The following UBASH3A variants were observed in gnomAD, a reference collection of about 807,000 sequenced individuals.
UBASH3A encodes ubiquitin associated and SH3 domain containing A, also known as ubiquitin-associated and SH3 domain-containing protein A.
In UBASH3A, 63 loss-of-function variants were observed where a neutral mutation model predicts 73.5. The observed-to-expected ratio is 0.86, with a 90% CI of 0.70 to 1.06. The LOEUF is 1.06. UBASH3A is among the 50% of genes least tolerant of loss of function. The pLI is 0.00. For synonymous variants in UBASH3A, 363 were observed against 351.1 expected, an observed-to-expected ratio of 1.03 and a Z score of -0.38; for missense variants, 860 against 859.0, an observed-to-expected ratio of 1.00 and a Z score of -0.02.
chr21:42,409,937 C>T (rs1172666886), intron 3 of UBASH3A, among the ~76,000 whole-genome samples: 1 of 152,178 alleles, frequency 6.6e-6, no homozygotes, highest in Non-Finnish European at 1.5e-5. Context: ...TGGTGCAGCA[C>T]CGCATCCCTC....
intron 14 of UBASH3A, among the ~76,000 whole-genome samples, 160 bp from the exon 15 acceptor site, chr21:42,446,897 G>T (rs184064281): frequency 3.7e-4 from 57 of 152,172 alleles, no homozygotes; most frequent in Admixed American, 3.7e-3. Context: ...ACGGGGCACC[G>T]CCAGGGCAGA....
At chr21:42,441,708 T>G (rs1371918898) in intron 11 of UBASH3A, among the ~76,000 whole-genome samples, 1 of 151,856 alleles carries the variant, frequency 6.6e-6, no homozygotes, top group Non-Finnish European at 1.5e-5. Context: ...TGGGGAGAAC[T>G]TGGGGGCCTG....
At position 42,418,133 on chromosome 21, in the gene UBASH3A, C is replaced by T. The variant is rs376854990; in HGVS notation, c.838-268C>T. Among the ~76,000 whole-genome samples the T allele has an allele frequency of 2.0e-5, 3 of 152,234 alleles. 1 individual carries two copies. Among genetic ancestry groups the T allele is most frequent in the East Asian group, 1.9e-4 (1 of 5,178 alleles). On this transcript the variant is annotated intron_variant, in intron 6 of 14. Transcript: ENST00000319294. ...TCCTGACCTTGTGATCCACCCACCT[C>T]GGCCTTCCAAAGTGCTGGGATTACA...
At chr21:42,443,480 T>C (rs1170820459) in intron 13 of UBASH3A, 62 bp downstream of exon 13, 3 of 1,426,564 alleles carry the variant, frequency 2.1e-6, no homozygotes, top group African/African-American at 1.4e-5. Context: ...ATCTCTGAGA[T>C]GGAAATTGGC....
chr21:42,408,945 A>T (rs2053035137), intron 2 of UBASH3A, among the ~76,000 whole-genome samples: 1 of 147,166 alleles, frequency 6.8e-6, no homozygotes, highest in Non-Finnish European at 1.5e-5. Context: ...AAATAAAATA[A>T]AATAAAAACT....
chr21:42,411,909 G>A (rs1181215626), intron 3 of UBASH3A, among the ~76,000 whole-genome samples: 11 of 152,350 alleles, frequency 7.2e-5, no homozygotes, highest in Non-Finnish European at 8.8e-5. Context: ...GAGGGTTGCA[G>A]AGAAAACAGA....
intron 7 of UBASH3A, among the ~76,000 whole-genome samples, chr21:42,422,365 C>G (rs1033042450): frequency 6.6e-6 from 1 of 152,212 alleles, no homozygotes; most frequent in Non-Finnish European, 1.5e-5. Context: ...ACATCACCCC[C>G]TGTGCCTGGC....
At chr21:42,408,913 TAA>T (rs1259530555) in intron 2 of UBASH3A, among the ~76,000 whole-genome samples, 1 of 147,736 alleles carries the variant, frequency 6.8e-6, no homozygotes, top group Admixed American at 6.7e-5. Flanking sequence ...TAAAATAAAA[TAA>T]AATAAAATAA....
At chr21:42,438,109 C>T (rs533067764) in intron 11 of UBASH3A, among the ~76,000 whole-genome samples, 1 of 152,292 alleles carries the variant, frequency 6.6e-6, no homozygotes, top group South Asian at 2.1e-4. Flanking sequence ...CTGGGCTCTG[C>T]CTTCAGCCTG....
intron 2 of UBASH3A, among the ~76,000 whole-genome samples, chr21:42,408,341 G>A (rs1289471326): frequency 2.0e-5 from 3 of 152,198 alleles, no homozygotes; most frequent in African/African-American, 7.2e-5. Flanking sequence ...ATCAGTTATG[G>A]AGTTTTTCTT....
chr21:42,437,367 C>T, intron 10 of UBASH3A, 121 bp from the exon 11 acceptor site: 1 of 789,316 alleles, frequency 1.3e-6, no homozygotes, highest in East Asian at 2.6e-5. Flanking sequence ...TGTGTCACAC[C>T]AGGGGGTGGA....
chr21:42,421,231 A>G (rs1276328128), intron 7 of UBASH3A, among the ~76,000 whole-genome samples: 4 of 152,176 alleles, frequency 2.6e-5, no homozygotes, highest in African/African-American at 9.7e-5. Flanking sequence ...GTTGGGGTGG[A>G]GCTCTTGCAG....
intron 8 of UBASH3A, 148 bp from the exon 9 acceptor site, chr21:42,431,955 T>A: frequency 1.8e-6 from 1 of 570,268 alleles, no homozygotes; most frequent in Admixed American, 2.9e-5. Context: ...TTCATTCTAA[T>A]GATTTGGGCA....
intron 11 of UBASH3A, among the ~76,000 whole-genome samples, chr21:42,438,838 C>G (rs1005989413): frequency 1.3e-5 from 2 of 151,948 alleles, no homozygotes; most frequent in East Asian, 3.9e-4. Context: ...AATGGATGCT[C>G]AAGGCAGGGA....
chr21:42,436,056 C>T (rs1222772159), intron 10 of UBASH3A, among the ~76,000 whole-genome samples: 1 of 148,052 alleles, frequency 6.8e-6, no homozygotes, highest in Admixed American at 6.7e-5. Flanking sequence ...GTTACAGAGT[C>T]ATAGATTTAT....
At chr21:42,420,631 C>G (rs1347011668) in intron 7 of UBASH3A, among the ~76,000 whole-genome samples, 1 of 152,124 alleles carries the variant, frequency 6.6e-6, no homozygotes, top group African/African-American at 2.4e-5. Context: ...AAGGGAGGAG[C>G]CTACTTAGGC....
At chr21:42,426,906 G>A (rs969364182) in intron 8 of UBASH3A, 86 bp downstream of exon 8, 8 of 1,515,056 alleles carry the variant, frequency 5.3e-6, no homozygotes, top group Admixed American at 1.9e-5. Flanking sequence ...AGCTTCGTAG[G>A]TGTAGCTTTT....
intron 7 of UBASH3A, 39 bp downstream of exon 7, chr21:42,418,648 C>G (rs1373302694): frequency 1.3e-6 from 2 of 1,577,722 alleles, no homozygotes; most frequent in Non-Finnish European, 1.7e-6. Context: ...TCATCTCTCT[C>G]TGAGTTACTG....
chr21:42,434,925 C>G lies in UBASH3A; in HGVS notation c.1364C>G (p.Ser455Trp). The G allele has an allele frequency of 6.2e-7, 1 of 1,614,188 alleles. No homozygotes were observed. The highest frequency in any genetic ancestry group is 8.5e-7 in the Non-Finnish European group (1 of 1,180,030). The change falls in exon 10 of 15, where the codon TCG becomes TGG. Residue 455 changes from serine (S) to tryptophan (W), a missense_variant. Ser to Trp is a radical substitution (Grantham distance 177, BLOSUM62 -3). Coordinates refer to ENST00000319294, the MANE Select transcript of UBASH3A (RefSeq NM_018961.4). Reference protein sequence around the residue: ...KDFENDPPLSSCGIFQSRIAG... With the variant: ...KDFENDPPLSWCGIFQSRIAG... Reference sequence around the variant, plus strand: ...TTTGAAAACGATCCCCCATTATCATCGTGTGGCATTTTCCAGTCCAGAATT... The same window carrying G: ...TTTGAAAACGATCCCCCATTATCATGGTGTGGCATTTTCCAGTCCAGAATT...
Sources: gnomAD v4.1 joint callset for allele counts (sites outside exome capture counted in the v4.1 genomes callset) on GRCh38, gnomAD v4.1.1 for gene constraint, MANE v1.5 for transcripts, NCBI Gene and HGNC (gene_info 2026-07-23, HGNC 2026-07-21) for gene names.